The following EIF4G3 variants were observed in gnomAD, a reference collection of about 807,000 sequenced individuals.
EIF4G3 encodes eIF-4-gamma 3.
In EIF4G3, 34 loss-of-function variants were observed where a neutral mutation model predicts 186.4. The observed-to-expected ratio is 0.18, with a 90% CI of 0.14 to 0.24. EIF4G3 has a LOEUF of 0.24. Among genes scored for constraint, EIF4G3 ranks in the 10% least tolerant of loss-of-function variants. EIF4G3 has a pLI of 1.00. For missense variants in EIF4G3, 1,536 were observed against 1,948.5 expected, an observed-to-expected ratio of 0.79 and a Z score of 3.99; for synonymous variants, 673 against 679.5, an observed-to-expected ratio of 0.99 and a Z score of 0.15.
intron 2 of EIF4G3, among the ~76,000 whole-genome samples, chr1:21,094,724 AC>A (rs1460872248): frequency 1.3e-5 from 2 of 150,426 alleles, no homozygotes; most frequent in Non-Finnish European, 3.0e-5. Context: ...TACATATGTA[AC>A]AAACCTGCAC....
rs1422737609 is a variant in EIF4G3 at position 20,853,550 on chromosome 1, G to A, written c.3551+10C>T. The A allele has an allele frequency of 2.5e-6, 4 of 1,585,780 alleles. No individual in the cohort carries two copies. Among genetic ancestry groups the A allele is most frequent in the Admixed American group, 1.7e-5 (1 of 59,854 alleles). Reference sequence around the variant, plus strand: ...CAGCCTTGAGTAGACATAAAAAGCAGGGTTCTCACCTAGTTAAGGTCCTTC... The same window carrying A: ...CAGCCTTGAGTAGACATAAAAAGCAAGGTTCTCACCTAGTTAAGGTCCTTC... On this transcript the variant is annotated intron_variant, in intron 27 of 36. Transcript: ENST00000602326.
At chr1:20,970,951 C>T (rs1028019846) in intron 11 of EIF4G3, among the ~76,000 whole-genome samples, 5 of 151,998 alleles carry the variant, frequency 3.3e-5, no homozygotes, top group African/African-American at 1.2e-4. Flanking sequence ...GGGAAAAGAG[C>T]GAGACTTTGT....
intron 29 of EIF4G3, among the ~76,000 whole-genome samples, chr1:20,845,433 A>C (rs1036565942): frequency 6.6e-6 from 1 of 152,054 alleles, no homozygotes; most frequent in African/African-American, 2.4e-5. Flanking sequence ...GAGGCCAAGG[A>C]GGGCGGATCA....
At chr1:20,889,790 CATA>C (rs2154555351) in intron 18 of EIF4G3, among the ~76,000 whole-genome samples, 1 of 152,024 alleles carries the variant, frequency 6.6e-6, no homozygotes, top group East Asian at 2.0e-4. Context: ...ACGCCCGGCC[CATA>C]ATTTTATTTT....
At chr1:21,008,856 T>A (rs1218351747) in intron 4 of EIF4G3, among the ~76,000 whole-genome samples, 1 of 152,188 alleles carries the variant, frequency 6.6e-6, no homozygotes, top group Non-Finnish European at 1.5e-5. Context: ...ATACCAAAAT[T>A]AATAAATTGT....
chr1:21,146,324 C>A (rs1201581511), intron 2 of EIF4G3, among the ~76,000 whole-genome samples: 1 of 152,122 alleles, frequency 6.6e-6, no homozygotes, highest in Non-Finnish European at 1.5e-5. Flanking sequence ...GGCTACACCA[C>A]TGAATTCCTG....
chr1:20,965,624 T>C (rs1569750665), intron 12 of EIF4G3, among the ~76,000 whole-genome samples: 2 of 68,386 alleles, frequency 2.9e-5, no homozygotes, highest in Middle Eastern at 6.9e-3. Flanking sequence ...TTTTTGCACA[T>C]GCTGTTCCTC....
intron 2 of EIF4G3, among the ~76,000 whole-genome samples, chr1:21,140,738 C>T (rs2097323355): frequency 6.6e-6 from 1 of 152,170 alleles, no homozygotes; most frequent in South Asian, 2.1e-4. Context: ...AAAATAGAAC[C>T]TGAGAAAAGC....
chr1:21,157,327 G>A (rs552488647), intron 2 of EIF4G3, among the ~76,000 whole-genome samples: 3 of 151,496 alleles, frequency 2.0e-5, no homozygotes, highest in Non-Finnish European at 2.9e-5. Context: ...TTCTGATCTC[G>A]TACCTCCATT....
chr1:20,902,702 A>G (rs1470660386), intron 15 of EIF4G3, among the ~76,000 whole-genome samples: 2 of 152,138 alleles, frequency 1.3e-5, no homozygotes, highest in Non-Finnish European at 2.9e-5. Context: ...GTGCACTGGC[A>G]CAATCTTGGC....
chr1:21,095,267 G>C (rs1301310810), intron 2 of EIF4G3, among the ~76,000 whole-genome samples: 1 of 152,130 alleles, frequency 6.6e-6, no homozygotes, highest in Non-Finnish European at 1.5e-5. Context: ...TTTTAGAATT[G>C]CAAGACTATA....
rs1243800481 is a variant in EIF4G3, at chr1:20,807,221, G to A, written c.*98C>T. 1.1e-5 allele frequency: 13 copies of A among 1,155,896 alleles called. No individual in the cohort carries two copies. The highest frequency in any genetic ancestry group is 1.3e-5 in the Non-Finnish European group (11 of 834,118). 71.6% of individuals were successfully genotyped at this position (1,155,896 alleles called of 1,614,324 possible). A position where few individuals can be genotyped will look rare whatever the true frequency, so the allele number is the denominator to read the frequency against. On this transcript the variant is annotated 3_prime_UTR_variant, in exon 37 of 37. Transcript: ENST00000602326. ...CTCGTGCACACGTGGGGGTTTCTGC[G>A]AGAATTGGCCTTGCTGCACTGTGAT...
chr1:20,916,619 A>C (rs1031447476), intron 14 of EIF4G3, among the ~76,000 whole-genome samples: 1 of 152,186 alleles, frequency 6.6e-6, no homozygotes, highest in African/African-American at 2.4e-5. Flanking sequence ...TTATAAAATG[A>C]ATCTAGAAAA....
chr1:21,114,997 T>C (rs1340175892), intron 2 of EIF4G3, among the ~76,000 whole-genome samples: 1 of 152,174 alleles, frequency 6.6e-6, no homozygotes, highest in Non-Finnish European at 1.5e-5. Flanking sequence ...ACCCCATCTC[T>C]ACGGAAAAAA....
At chr1:20,869,774 C>CAAAAA (rs35907806) in intron 20 of EIF4G3, among the ~76,000 whole-genome samples, 4 of 48,578 alleles carry the variant, frequency 8.2e-5, no homozygotes, top group East Asian at 4.3e-4. Flanking sequence ...GACTACGTCT[C>CAAAAA]AAAAAAAAAA....
chr1:21,098,934 G>T (rs1389782637), intron 2 of EIF4G3, among the ~76,000 whole-genome samples: 1 of 152,154 alleles, frequency 6.6e-6, no homozygotes, highest in South Asian at 2.1e-4. Context: ...ACTGTGCCTA[G>T]CCTCAAATGG....
chr1:21,176,003 G>A (rs77425753), intron 2 of EIF4G3, 172 bp downstream of exon 2: 8,640 of 267,906 alleles, frequency 0.032, 374 homozygotes, highest in East Asian at 0.17. Context: ...CCCCCGCAGT[G>A]CTGCTGCCGG....
intron 4 of EIF4G3, among the ~76,000 whole-genome samples, chr1:21,014,389 G>A (rs145728262): frequency 2.6e-5 from 4 of 152,122 alleles, no homozygotes; most frequent in Admixed American, 1.3e-4. Context: ...TGTGTCACAG[G>A]GGTTGCGTGT....
At chr1:20,915,992 A>G (rs758466012) in intron 14 of EIF4G3, among the ~76,000 whole-genome samples, 4 of 152,236 alleles carry the variant, frequency 2.6e-5, no homozygotes, top group Non-Finnish European at 5.9e-5. Context: ...AAGACTAGGA[A>G]GTATACTTAG....
Sources: gnomAD v4.1 joint callset for allele counts (sites outside exome capture counted in the v4.1 genomes callset) on GRCh38, gnomAD v4.1.1 for gene constraint, MANE v1.5 for transcripts, NCBI Gene and HGNC (gene_info 2026-07-23, HGNC 2026-07-21) for gene names.